Variants in AIG1 observed in about 807,000 individuals in gnomAD.
AIG1 encodes the protein androgen induced 1, also known as androgen-induced gene 1 protein.
In AIG1, 23 loss-of-function variants were observed where a neutral mutation model predicts 31.4. That is an observed-to-expected ratio of 0.73 (90% CI 0.53 to 1.04). The LOEUF is 1.04. Among genes scored for constraint, AIG1 ranks in the 50% least tolerant of loss-of-function variants. The pLI is 0.00. For synonymous variants in AIG1, 100 were observed against 110.5 expected, an observed-to-expected ratio of 0.90 and a Z score of 0.60; for missense variants, 274 against 295.0, an observed-to-expected ratio of 0.93 and a Z score of 0.52.
intron 5 of AIG1, among the ~76,000 whole-genome samples, chr6:143,336,707 T>A (rs1035669368): frequency 1.3e-5 from 2 of 152,104 alleles, no homozygotes; most frequent in African/African-American, 4.8e-5. Context: ...ACCCCAAACG[T>A]CTTTCAGACA....
intron 3 of AIG1, among the ~76,000 whole-genome samples, chr6:143,204,752 A>T (rs532860354): frequency 6.6e-6 from 1 of 152,054 alleles, no homozygotes; most frequent in Non-Finnish European, 1.5e-5. Context: ...AGGTAGAGTG[A>T]TTATCTTTAG....
chr6:143,152,124 T>C (rs1785294134), intron 2 of AIG1, among the ~76,000 whole-genome samples: 1 of 152,230 alleles, frequency 6.6e-6, no homozygotes, highest in Non-Finnish European at 1.5e-5. Flanking sequence ...TAGTATTCTG[T>C]TACTCTGCTA....
In AIG1 at chr6:143,318,116, C is replaced by A. The variant is rs545228671; in HGVS notation, c.516-15166C>A. 1.8e-4 allele frequency among the ~76,000 whole-genome samples: 27 copies of A among 152,084 alleles called. 1 individual carries two copies. The South Asian group carries it at 5.2e-3, about 29-fold the overall frequency. ...CAAGGCAATTTCCATCAAAATACCA[C>A]CATCATTATTCACAGAATTAGAAAA... On this transcript the variant is annotated intron_variant, in intron 4 of 5. Transcript: ENST00000357847.
intron 3 of AIG1, among the ~76,000 whole-genome samples, chr6:143,217,900 T>C (rs1792160479): frequency 6.6e-6 from 1 of 152,350 alleles, no homozygotes; most frequent in South Asian, 2.1e-4. Context: ...TCAATATGTA[T>C]TACCAACCTA....
chr6:143,267,712 A>C (rs146759427), intron 3 of AIG1, among the ~76,000 whole-genome samples: 31 of 152,286 alleles, frequency 2.0e-4, no homozygotes, highest in African/African-American at 7.0e-4. Context: ...AGTCAGGGAG[A>C]TACATTGGCT....
At chr6:143,105,898 T>C (rs1166304052) in intron 1 of AIG1, among the ~76,000 whole-genome samples, 1 of 152,220 alleles carries the variant, frequency 6.6e-6, no homozygotes, top group Non-Finnish European at 1.5e-5. Context: ...ATTATGGAAA[T>C]GGTGGCTTTT....
chr6:143,333,253 T>TC lies in AIG1; in HGVS notation c.516-27dup, dbSNP rs1247942845. 6.3e-7 allele frequency: 1 copy of TC among 1,588,316 alleles called. No individual in the cohort carries two copies. The highest frequency in any genetic ancestry group is 1.2e-5 in the South Asian group (1 of 86,578). On this transcript the variant is annotated intron_variant, in intron 4 of 5. Transcript: ENST00000357847. The surrounding 1 kb of genome is among the most constrained non-coding windows in gnomAD (Gnocchi z 4.6). ...ATGCCTGCCATAAGAGTGACTCCTG[T>TC]CCTTGTCTCCTTTCCGATTCTTTTG...
intron 3 of AIG1, among the ~76,000 whole-genome samples, chr6:143,247,197 T>C (rs1794680731): frequency 6.6e-6 from 1 of 152,186 alleles, no homozygotes; most frequent in Non-Finnish European, 1.5e-5. Flanking sequence ...AATGGCACAA[T>C]CTTGGCTCAC....
intron 1 of AIG1, among the ~76,000 whole-genome samples, chr6:143,075,157 G>C (rs1777620251): frequency 6.6e-6 from 1 of 152,102 alleles, no homozygotes; most frequent in Non-Finnish European, 1.5e-5. Context: ...CTTCATTGCT[G>C]ATATGGGTAA....
At chr6:143,101,344 G>A (rs1404610899) in intron 1 of AIG1, among the ~76,000 whole-genome samples, 1 of 152,052 alleles carries the variant, frequency 6.6e-6, no homozygotes, top group East Asian at 1.9e-4. Flanking sequence ...ACAACATTGT[G>A]TAAATTACAC....
chr6:143,338,042 C>T lies in AIG1; in HGVS notation c.680-1597C>T, dbSNP rs1392888562. ...TAGGTCAATGAATACCCCCCGTTCT[C>T]CACCCGCGCTTTTGAAGATTCCAGC... On this transcript the variant is annotated intron_variant, in intron 5 of 5. Transcript: ENST00000357847. The surrounding 1 kb of genome is among the most constrained non-coding windows in gnomAD (Gnocchi z 4.3). 2 of 398,542 alleles carry T rather than the reference C, an allele frequency of 5.0e-6. No individual in the cohort carries two copies. Among genetic ancestry groups the T allele is most frequent in the East Asian group, 7.1e-5 (2 of 28,088 alleles). 24.7% of individuals were successfully genotyped at this position (398,542 alleles called of 1,614,324 possible).
At chr6:143,303,485 C>G (rs1161974290) in intron 4 of AIG1, among the ~76,000 whole-genome samples, 1 of 152,176 alleles carries the variant, frequency 6.6e-6, no homozygotes, top group Non-Finnish European at 1.5e-5. Flanking sequence ...AATAGGGAAT[C>G]CTTTCCCCAT....
chr6:143,206,436 G>C (rs1791113435), intron 3 of AIG1, among the ~76,000 whole-genome samples: 1 of 152,116 alleles, frequency 6.6e-6, no homozygotes, highest in South Asian at 2.1e-4. Flanking sequence ...ACTCACCTTT[G>C]TAAATATAGG....
chr6:143,288,355 A>G lies in AIG1; in HGVS notation c.515+4130A>G, dbSNP rs1297369153. ...GGGGTTTCTCATTCAATCAGAGCCC[A>G]TGTGAGATCTCAGAAGCCATGTATA... is the stretch of plus-strand genomic sequence containing the variant. On this transcript the variant is annotated intron_variant, in intron 4 of 5. Transcript: ENST00000357847. The surrounding 1 kb of genome is among the most constrained non-coding windows in gnomAD (Gnocchi z 4.4). Among the ~76,000 whole-genome samples, 1 of 152,226 alleles carries G rather than the reference A, an allele frequency of 6.6e-6. No homozygotes were observed. Among genetic ancestry groups the G allele is most frequent in the Non-Finnish European group, 1.5e-5 (1 of 68,048 alleles).
chr6:143,240,288 C>T (rs1313685804), intron 3 of AIG1, among the ~76,000 whole-genome samples: 1 of 152,142 alleles, frequency 6.6e-6, no homozygotes, highest in Non-Finnish European at 1.5e-5. Flanking sequence ...TTACAATAGG[C>T]CCTGGCGAAT....
chr6:143,107,378 A>G (rs574796356), intron 1 of AIG1, among the ~76,000 whole-genome samples: 2 of 152,380 alleles, frequency 1.3e-5, no homozygotes, highest in African/African-American at 4.8e-5. Flanking sequence ...ATTTAGACAG[A>G]TAAAAGTCTC....
chr6:143,145,323 C>T (rs1182421884), intron 2 of AIG1, among the ~76,000 whole-genome samples: 1 of 152,202 alleles, frequency 6.6e-6, no homozygotes, highest in Non-Finnish European at 1.5e-5. Context: ...CATGCCCAGC[C>T]AGTATTTTCA....
chr6:143,183,867 C>T (rs1322991422), intron 3 of AIG1, among the ~76,000 whole-genome samples: 2 of 152,174 alleles, frequency 1.3e-5, no homozygotes, highest in African/African-American at 4.8e-5. Context: ...TAGGAACTGG[C>T]TTCCTTCTTC....
At chr6:143,227,144 A>C (rs17072327) in intron 3 of AIG1, among the ~76,000 whole-genome samples, 1 of 152,132 alleles carries the variant, frequency 6.6e-6, no homozygotes, top group Non-Finnish European at 1.5e-5. Flanking sequence ...CTGAACTTCT[A>C]TCATCAAATT....
Sources: allele counts gnomAD v4.1 joint callset (sites outside exome capture counted in the v4.1 genomes callset), GRCh38; gene constraint gnomAD v4.1.1; non-coding constraint Gnocchi (gnomAD v3.1); transcripts MANE v1.5; gene names NCBI Gene and HGNC (gene_info 2026-07-23, HGNC 2026-07-21).